Variants in PDS5B observed in about 807,000 individuals in gnomAD.
PDS5B encodes the protein PDS5 cohesin associated factor B.
In PDS5B, 51 loss-of-function variants were observed where a neutral mutation model predicts 184.1. That is an observed-to-expected ratio of 0.28 (90% CI 0.22 to 0.35). The LOEUF is 0.35. Ranked by LOEUF, PDS5B falls within the 10% of genes least tolerant of loss-of-function variation. The probability of loss-of-function intolerance (pLI) is 1.00; values close to 1 mark genes in which losing one functional copy is unlikely to be tolerated. For synonymous variants in PDS5B, 566 were observed against 569.2 expected (o/e 0.99, Z 0.08); for missense variants, 1,180 against 1,723.3 (o/e 0.68, Z 5.58).
At chr13:32,739,656 C>T (rs1181422323) in intron 21 of PDS5B, among the ~76,000 whole-genome samples, 2 of 152,124 alleles carry the variant, frequency 1.3e-5, no homozygotes, top group African/African-American at 4.8e-5. Context: ...GATATATTCA[C>T]ATATTCTGCT....
At chr13:32,679,136 C>G (rs965027100) in intron 10 of PDS5B, among the ~76,000 whole-genome samples, 8 of 149,820 alleles carry the variant, frequency 5.3e-5, no homozygotes, top group Admixed American at 4.0e-4. Flanking sequence ...CCCAAGCTTG[C>G]TTAGAACTCC....
At chr13:32,605,743 C>G (rs894751942) in intron 1 of PDS5B, among the ~76,000 whole-genome samples, 2 of 152,100 alleles carry the variant, frequency 1.3e-5, no homozygotes, top group Admixed American at 6.6e-5. Context: ...CTTTATGAAT[C>G]TGGGTGCTCC....
chr13:32,673,971 C>G (rs967257657), intron 8 of PDS5B, among the ~76,000 whole-genome samples: 1 of 151,512 alleles, frequency 6.6e-6, no homozygotes, highest in Non-Finnish European at 1.5e-5. Context: ...TGTGCCACCA[C>G]CCCTGCTAAT....
intron 30 of PDS5B, among the ~76,000 whole-genome samples, chr13:32,763,982 T>A (rs1427186260): frequency 1.3e-5 from 2 of 152,190 alleles, no homozygotes; most frequent in Non-Finnish European, 2.9e-5. Flanking sequence ...ATGCCAACTC[T>A]ATGCCTGGCA....
Position 32,709,833 on chromosome 13 carries a change from CATA to C in PDS5B, c.1963-110_1963-108del, listed in dbSNP as rs2140892426. 4 of 555,894 alleles carry C rather than the reference CATA, an allele frequency of 7.2e-6. No individual in the cohort carries two copies. In the East Asian group the frequency reaches 1.4e-4, roughly 19 times the overall value. 34.4% of individuals were successfully genotyped at this position (555,894 alleles called of 1,614,324 possible). On this transcript the variant is annotated intron_variant, in intron 18 of 34. Coordinates refer to ENST00000315596, the MANE Select transcript of PDS5B (RefSeq NM_015032.4). ...TATAGTGCTCTCAGATTTTGGTCAA[CATA>C]ATTTTTTTTAATAGACTTTGATTTA...
At chr13:32,595,588 G>A (rs887799242) in intron 1 of PDS5B, among the ~76,000 whole-genome samples, 1 of 152,188 alleles carries the variant, frequency 6.6e-6, no homozygotes, top group South Asian at 2.1e-4. Flanking sequence ...GAAGGAGAAA[G>A]AACCACCATG....
At chr13:32,593,593 G>A (rs1258136690) in intron 1 of PDS5B, among the ~76,000 whole-genome samples, 2 of 152,138 alleles carry the variant, frequency 1.3e-5, no homozygotes, top group Non-Finnish European at 2.9e-5. Flanking sequence ...CGCCCGCCTT[G>A]GCCTCCCAAA....
chr13:32,757,169 G>A (rs1450683854), intron 26 of PDS5B, among the ~76,000 whole-genome samples: 1 of 151,422 alleles, frequency 6.6e-6, no homozygotes, highest in Non-Finnish European at 1.5e-5. Context: ...AATTAGTTTT[G>A]TGTTAGAGTG....
chr13:32,626,263 A>G (rs1458969407), intron 1 of PDS5B, among the ~76,000 whole-genome samples: 2 of 152,312 alleles, frequency 1.3e-5, no homozygotes, highest in Admixed American at 6.5e-5. Flanking sequence ...ATGCAGTTAC[A>G]GGTATGGAGG....
At chr13:32,633,776 G>T (rs1167658482) in intron 1 of PDS5B, among the ~76,000 whole-genome samples, 1 of 152,050 alleles carries the variant, frequency 6.6e-6, no homozygotes, top group African/African-American at 2.4e-5. Context: ...AAGCAGATTT[G>T]TTGAATATTT....
intron 19 of PDS5B, among the ~76,000 whole-genome samples, chr13:32,718,295 C>T (rs544294129): frequency 1.6e-4 from 25 of 151,990 alleles, no homozygotes; most frequent in South Asian, 6.2e-4. Flanking sequence ...GGACTACAGG[C>T]GCCCGCCACC....
At chr13:32,703,441 AC>A (rs1951919909) in intron 17 of PDS5B, among the ~76,000 whole-genome samples, 1 of 152,206 alleles carries the variant, frequency 6.6e-6, no homozygotes. Flanking sequence ...CAAAACATAA[AC>A]AATAAGAACA....
intron 30 of PDS5B, among the ~76,000 whole-genome samples, chr13:32,763,907 TAA>T: frequency 6.6e-6 from 1 of 152,138 alleles, no homozygotes; most frequent in Non-Finnish European, 1.5e-5. Flanking sequence ...CAACAACATA[TAA>T]ATAGTTTTAA....
chr13:32,769,917 A>C (rs1055417556), intron 31 of PDS5B, among the ~76,000 whole-genome samples: 3 of 152,164 alleles, frequency 2.0e-5, no homozygotes, highest in African/African-American at 7.2e-5. Flanking sequence ...TAAGAGTGCA[A>C]ATGTACCCTT....
intron 1 of PDS5B, among the ~76,000 whole-genome samples, chr13:32,607,276 A>G (rs2058074225): frequency 6.6e-6 from 1 of 152,166 alleles, no homozygotes; most frequent in Admixed American, 6.5e-5. Context: ...TTTTCCTTCT[A>G]ACAGTCAGGA....
chr13:32,641,465 A>G (rs965831260), intron 1 of PDS5B, among the ~76,000 whole-genome samples: 1 of 152,024 alleles, frequency 6.6e-6, no homozygotes, highest in South Asian at 2.1e-4. Flanking sequence ...GTCATTTTGT[A>G]TGTTTTCACT....
At chr13:32,761,764 C>G (rs149228979) in intron 30 of PDS5B, among the ~76,000 whole-genome samples, 54 of 152,236 alleles carry the variant, frequency 3.5e-4, no homozygotes, top group Non-Finnish European at 8.8e-5. Context: ...CTGCATTAAA[C>G]AGATGAGTGC....
intron 7 of PDS5B, among the ~76,000 whole-genome samples, chr13:32,669,822 G>A (rs570162405): frequency 1.3e-5 from 2 of 152,212 alleles, no homozygotes; most frequent in South Asian, 2.1e-4. Context: ...TTATTTGAAG[G>A]TTAGCTAGAA....
At chr13:32,639,598 T>A (rs561814826) in intron 1 of PDS5B, among the ~76,000 whole-genome samples, 10 of 152,312 alleles carry the variant, frequency 6.6e-5, no homozygotes, top group African/African-American at 2.4e-4. Context: ...TTTTTTCTCG[T>A]AGGAAAAACT....
Sources: allele counts gnomAD v4.1 joint callset (sites outside exome capture counted in the v4.1 genomes callset), GRCh38; gene constraint gnomAD v4.1.1; transcripts MANE v1.5; gene names NCBI Gene and HGNC (gene_info 2026-07-23, HGNC 2026-07-21).